Variants in KIF26B observed in about 807,000 individuals in gnomAD.
The protein encoded by KIF26B is kinesin-like protein KIF26B.
A neutral mutation model predicts 151.2 loss-of-function variants in KIF26B; 63 were observed. That is an observed-to-expected ratio of 0.42 (90% CI 0.34 to 0.51). The LOEUF (loss-of-function observed/expected upper bound fraction) is 0.51, where lower values mean the gene tolerates loss of function less well. Ranked by LOEUF, KIF26B falls within the 20% of genes least tolerant of loss-of-function variation. KIF26B has a pLI of 0.07. For synonymous variants in KIF26B, 1,357 were observed against 1,262.1 expected (o/e 1.08, Z -1.59); for missense variants, 2,813 against 2,913.6 (o/e 0.97, Z 0.79).
In KIF26B at chr1:245,540,054, T is replaced by C. The variant is rs1409489199; in HGVS notation, c.1167-713T>C. ...ATGCCGGCAGCCTCCCCTCCCACCTTTCCCTGCCTTCACACTCTGTGCCCC... is the reference window on the plus strand; with the variant it reads ...ATGCCGGCAGCCTCCCCTCCCACCTCTCCCTGCCTTCACACTCTGTGCCCC... On this transcript the variant is annotated intron_variant, in intron 4 of 14. Transcript: ENST00000407071. This position sits in a 1 kb window ranked among gnomAD's most constrained non-coding sequence, Gnocchi z 4.6. 6.6e-6 allele frequency among the ~76,000 whole-genome samples: 1 copy of C among 152,154 alleles called. No homozygotes were observed. Among genetic ancestry groups the C allele is most frequent in the East Asian group, 1.9e-4 (1 of 5,200 alleles).
chr1:245,157,034 C>G (rs138057952), intron 2 of KIF26B, among the ~76,000 whole-genome samples: 241 of 152,332 alleles, frequency 1.6e-3, no homozygotes, highest in African/African-American at 5.4e-3. Flanking sequence ...CTCCCCACCC[C>G]CACCTGTGAT....
At chr1:245,205,785 T>C (rs1195334387) in intron 2 of KIF26B, among the ~76,000 whole-genome samples, 1 of 151,146 alleles carries the variant, frequency 6.6e-6, no homozygotes, top group Non-Finnish European at 1.5e-5. Context: ...GGATTATGGC[T>C]CACTGAACAC....
chr1:245,374,611 C>T (rs1363283262), intron 3 of KIF26B, among the ~76,000 whole-genome samples: 3 of 152,054 alleles, frequency 2.0e-5, no homozygotes. Context: ...GCTGTGTCTA[C>T]CCAGTCAGGC....
chr1:245,169,698 G>GCA (rs1668678039), intron 2 of KIF26B, among the ~76,000 whole-genome samples: 1 of 152,096 alleles, frequency 6.6e-6, no homozygotes, highest in Non-Finnish European at 1.5e-5. Context: ...ATCCACTTGG[G>GCA]GGAAGGAAGT....
intron 4 of KIF26B, among the ~76,000 whole-genome samples, chr1:245,430,063 A>T (rs1658741973): frequency 6.6e-6 from 1 of 152,234 alleles, no homozygotes; most frequent in Admixed American, 6.5e-5. Flanking sequence ...AATTGTCGTG[A>T]TACTCACAGT....
intron 4 of KIF26B, among the ~76,000 whole-genome samples, chr1:245,440,889 G>A (rs1455547802): frequency 6.6e-6 from 1 of 152,210 alleles, no homozygotes; most frequent in African/African-American, 2.4e-5. Flanking sequence ...CTCACAGGCA[G>A]GCTGCCGTAG....
chr1:245,699,297 T>G (rs2044737185), intron 14 of KIF26B, among the ~76,000 whole-genome samples: 1 of 152,050 alleles, frequency 6.6e-6, no homozygotes, highest in Admixed American at 6.5e-5. Context: ...CACCTGAAAA[T>G]GAGATTTTTC....
chr1:245,447,081 G>A (rs183389246), intron 4 of KIF26B, among the ~76,000 whole-genome samples: 4 of 152,288 alleles, frequency 2.6e-5, no homozygotes, highest in Admixed American at 1.3e-4. Flanking sequence ...GCAGCTCTTG[G>A]TTCTGTTTTG....
At position 245,240,162 on chromosome 1, in the gene KIF26B, CA is replaced by C. The variant is rs202238351; in HGVS notation, c.465+83488del. ...TGGGCAACAGAGTGAGACTCTGTCT[CA>C]AAAAAAAAGAGAGTCATTTCCCGTG... On this transcript the variant is annotated intron_variant, in intron 2 of 14. Transcript: ENST00000407071. Among the ~76,000 whole-genome samples, 761 of 150,582 alleles carry C rather than the reference CA, an allele frequency of 5.1e-3. 6 individuals carry two copies. The highest frequency in any genetic ancestry group is 0.018 in the African/African-American group (730 of 41,082).
At chr1:245,418,469 CTA>C (rs1379111511) in intron 3 of KIF26B, among the ~76,000 whole-genome samples, 2 of 152,188 alleles carry the variant, frequency 1.3e-5, no homozygotes, top group African/African-American at 4.8e-5. Flanking sequence ...GGCTATTCTG[CTA>C]ATAATGAAAA....
intron 5 of KIF26B, among the ~76,000 whole-genome samples, chr1:245,550,629 G>C (rs765342651): frequency 2.4e-4 from 37 of 152,262 alleles, no homozygotes; most frequent in Non-Finnish European, 8.8e-5. Flanking sequence ...CATGCAGTGA[G>C]ATTGGTGCAG....
At chr1:245,570,860 G>A (rs1328922155) in intron 5 of KIF26B, among the ~76,000 whole-genome samples, 1 of 152,200 alleles carries the variant, frequency 6.6e-6, no homozygotes, top group East Asian at 1.9e-4. Context: ...TTCCCAGAAT[G>A]AGGATATATT....
At chr1:245,483,495 G>C (rs1421739997) in intron 4 of KIF26B, among the ~76,000 whole-genome samples, 2 of 151,902 alleles carry the variant, frequency 1.3e-5, no homozygotes, top group African/African-American at 4.8e-5. Context: ...TGTTACCATA[G>C]CTACTTAACA....
At chr1:245,319,475 C>A (rs971065841) in intron 2 of KIF26B, among the ~76,000 whole-genome samples, 1 of 151,266 alleles carries the variant, frequency 6.6e-6, no homozygotes, top group Admixed American at 6.6e-5. Context: ...TTCATTCTTA[C>A]ATCTTTCGTG....
At position 245,686,859 on chromosome 1, in the gene KIF26B, G is replaced by A; in HGVS notation, c.3876G>A (p.Glu1292=). Reference sequence around the variant, plus strand: ...AGATGAGCGCGGGCAGTGAGGGTGAGCAGTCGTGCCACAGTTTCATAGCCC... The same window carrying A: ...AGATGAGCGCGGGCAGTGAGGGTGAACAGTCGTGCCACAGTTTCATAGCCC... The part of the protein sequence containing the change: ...LSEMSAGSEG[E]QSCHSFIAQT... Residue 1292 remains glutamate (E), a synonymous_variant, in exon 12 of 15, where the codon GAG becomes GAA. Coordinates refer to ENST00000407071, the MANE Select transcript of KIF26B (RefSeq NM_018012.4). This position sits in a 1 kb window ranked among gnomAD's most constrained non-coding sequence, Gnocchi z 5.6. The A allele has an allele frequency of 6.2e-7, 1 of 1,613,662 alleles. No individual in the cohort carries two copies.
At chr1:245,233,256 G>C (rs1228031983) in intron 2 of KIF26B, among the ~76,000 whole-genome samples, 1 of 152,218 alleles carries the variant, frequency 6.6e-6, no homozygotes, top group Non-Finnish European at 1.5e-5. Flanking sequence ...TTGTGAATGT[G>C]TTACTCCTTA....
chr1:245,225,962 G>T (rs1406330153), intron 2 of KIF26B: 1 of 152,174 alleles, frequency 6.6e-6, no homozygotes, highest in African/African-American at 2.4e-5. Flanking sequence ...TTTGTTTTGC[G>T]TTTCACTGAG....
intron 4 of KIF26B, among the ~76,000 whole-genome samples, chr1:245,476,449 G>A (rs7514551): frequency 0.65 from 98,014 of 151,246 alleles, 32,483 homozygotes; most frequent in East Asian, 0.71. Flanking sequence ...TCCAATGAAG[G>A]GCAAATTTAT....
At chr1:245,377,141 C>T (rs1385870294) in intron 3 of KIF26B, among the ~76,000 whole-genome samples, 1 of 152,190 alleles carries the variant, frequency 6.6e-6, no homozygotes, top group Non-Finnish European at 1.5e-5. Flanking sequence ...TCTTGAACTC[C>T]TGACCTCAGG....
Sources: allele counts gnomAD v4.1 joint callset (sites outside exome capture counted in the v4.1 genomes callset), GRCh38; gene constraint gnomAD v4.1.1; non-coding constraint Gnocchi (gnomAD v3.1); transcripts MANE v1.5; gene names NCBI Gene and HGNC (gene_info 2026-07-23, HGNC 2026-07-21).